PABPC4: variants seen among roughly 807,000 people sequenced by gnomAD.
PABPC4 encodes polyadenylate-binding protein 4.
A neutral mutation model predicts 74.5 loss-of-function variants in PABPC4; 15 were observed. The observed-to-expected ratio is 0.20, with a 90% CI of 0.13 to 0.31. The LOEUF (loss-of-function observed/expected upper bound fraction) is 0.31, where lower values mean the gene tolerates loss of function less well. Among genes scored for constraint, PABPC4 ranks in the 10% least tolerant of loss-of-function variants. PABPC4 has a pLI of 1.00. For synonymous variants in PABPC4, 345 were observed against 303.0 expected, an observed-to-expected ratio of 1.14 and a Z score of -1.44; for missense variants, 610 against 853.5, an observed-to-expected ratio of 0.71 and a Z score of 3.55.
rs775430671 is a variant in PABPC4 at position 39,575,883 on chromosome 1, G to C, written c.69C>G (p.Thr23=). 9.9e-6 allele frequency: 16 copies of C among 1,611,988 alleles called. No individual in the cohort carries two copies. In the African/African-American group the frequency reaches 1.9e-4, roughly 19 times the overall value. Reference sequence around the variant, plus strand: ...TGAACTTTTCGTACAGCATGGCCTCGGTGACGTCCGAATGCAGGTCGCCCA... The same window carrying C: ...TGAACTTTTCGTACAGCATGGCCTCCGTGACGTCCGAATGCAGGTCGCCCA... The part of the protein sequence containing the change: ...LYVGDLHSDV[T]EAMLYEKFSP... The change falls in exon 1 of 16, where the codon ACC becomes ACG. Residue 23 remains threonine (T), a synonymous_variant. Coordinates refer to ENST00000372858, the MANE Select transcript of PABPC4 (RefSeq NM_001135653.2).
At chr1:39,561,536 C>T in intron 15 of PABPC4, 149 bp downstream of exon 15, 1 of 624,988 alleles carries the variant, frequency 1.6e-6, no homozygotes, top group South Asian at 2.0e-5. Context: ...GATAAGAAGT[C>T]ACCTGCAACA....
chr1:39,567,450 T>C, intron 7 of PABPC4: 1 of 550,170 alleles, frequency 1.8e-6, no homozygotes, highest in South Asian at 1.4e-5. Flanking sequence ...GCTCATTCTG[T>C]AGCACCATCT....
intron 1 of PABPC4, among the ~76,000 whole-genome samples, chr1:39,574,102 C>T (rs1343361098): frequency 6.6e-6 from 1 of 152,160 alleles, no homozygotes; most frequent in Non-Finnish European, 1.5e-5. Flanking sequence ...TCAACTGTTT[C>T]ATTAGCCGGG....
At chr1:39,561,852 G>GAC in intron 14 of PABPC4, 65 bp from the exon 15 acceptor site, 1 of 1,436,654 alleles carries the variant, frequency 7.0e-7, no homozygotes, top group South Asian at 1.2e-5. Flanking sequence ...CCAGTGCCCA[G>GAC]ACCTAGTGGT....
Position 39,569,596 on chromosome 1 carries a change from T to G in PABPC4, c.737A>C (p.Lys246Thr), listed in dbSNP as rs746080078. The G allele has an allele frequency of 1.3e-5, 21 of 1,612,490 alleles. No individual in the cohort carries two copies. The highest frequency in any genetic ancestry group is 1.7e-5 in the Non-Finnish European group (20 of 1,178,572). ...VSYEKHEDAN[K>T]AVEEMNGKEI... is the part of the protein sequence containing the mutation. ...TCCCAATCTTTGTGGTATACTCACC[T>G]TATTGGCATCCTCGTGTTTTTCGTA... The change falls in exon 5 of 16, where the codon AAG becomes ACG. Residue 246 changes from lysine (K) to threonine (T), a missense_variant and splice_region_variant. Physicochemically the swap from Lys to Thr is moderately conservative, Grantham distance 78. This residue lies in a region of PABPC4 where 304 missense variants were observed against 478.9 expected (regional missense o/e 0.63). Transcript: ENST00000372858.
chr1:39,574,927 T>G (rs1042553291), intron 1 of PABPC4, among the ~76,000 whole-genome samples: 2 of 152,250 alleles, frequency 1.3e-5, no homozygotes, highest in African/African-American at 4.8e-5. Flanking sequence ...AGCACTGTGC[T>G]GGGAGTCCTA....
Position 39,571,365 on chromosome 1 carries a change from C to G in PABPC4, c.388-16G>C, listed in dbSNP as rs761748846. 3 of 1,613,908 alleles carry G rather than the reference C, an allele frequency of 1.9e-6. No individual in the cohort carries two copies. Among genetic ancestry groups the G allele is most frequent in the Non-Finnish European group, 1.7e-6 (2 of 1,179,870 alleles). On this transcript the variant is annotated splice_polypyrimidine_tract_variant and intron_variant, in intron 2 of 15. Coordinates refer to ENST00000372858, the MANE Select transcript of PABPC4 (RefSeq NM_001135653.2). ...CACACACCACCTGTCAAAGACAAGG[C>G]GGACCACTTTAGCAGAACTGGCCAG...
At chr1:39,564,590 A>T in intron 9 of PABPC4, 48 bp from the exon 10 acceptor site, 1 of 1,612,748 alleles carries the variant, frequency 6.2e-7, no homozygotes, top group South Asian at 1.1e-5. Flanking sequence ...TGTGGACCAG[A>T]ACCTAGGCTG....
chr1:39,572,518 G>C lies in PABPC4; in HGVS notation c.262C>G (p.Gln88Glu). 1.2e-6 allele frequency: 2 copies of C among 1,614,004 alleles called. No individual in the cohort carries two copies. Among genetic ancestry groups the C allele is most frequent in the Non-Finnish European group, 1.7e-6 (2 of 1,179,892 alleles). ...KGKPIRIMWS[Q>E]RDPSLRKSGV... ...GATTTTCTCAAAGAGGGATCCCTCT[G>C]AGACCACATGATGCGGATTGGCTTT... is the stretch of plus-strand genomic sequence containing the variant. The change falls in exon 2 of 16, where the codon CAG (glutamine) becomes GAG (glutamate). Residue 88 changes from glutamine to glutamate, a missense_variant. By Grantham distance (29) the Gln-to-Glu change is conservative. Around this residue, in one of 4 missense-constraint regions of PABPC4, gnomAD observed 304 missense variants for 478.9 expected, o/e 0.63. Coordinates refer to ENST00000372858, the MANE Select transcript of PABPC4 (RefSeq NM_001135653.2).
At chr1:39,566,009 T>G (rs1392001704) in intron 7 of PABPC4, among the ~76,000 whole-genome samples, 1 of 152,200 alleles carries the variant, frequency 6.6e-6, no homozygotes, top group Non-Finnish European at 1.5e-5. Flanking sequence ...AGGTCAGGGT[T>G]CTGGCACAGG....
At position 39,561,048 on chromosome 1, in the gene PABPC4, GAGGTCCAT is replaced by G. The variant is rs1432296200; in HGVS notation, c.*80_*87del. On this transcript the variant is annotated 3_prime_UTR_variant, in exon 16 of 16. Coordinates refer to ENST00000372858, the MANE Select transcript of PABPC4 (RefSeq NM_001135653.2). ...TTTGCAATTTGTAATCCTTGGTGTT[GAGGTCCAT>G]AGGACAAGCTAGGAAGTCTTCAAAC... The G allele has an allele frequency of 2.2e-6, 1 of 448,460 alleles. No homozygotes were observed. Among genetic ancestry groups the G allele is most frequent in the African/African-American group, 2.0e-5 (1 of 49,034 alleles). 27.8% of individuals were successfully genotyped at this position (448,460 alleles called of 1,614,324 possible). A position where few individuals can be genotyped will look rare whatever the true frequency, so the allele number is the denominator to read the frequency against.
Position 39,567,802 on chromosome 1 carries a change from A to G in PABPC4, c.921T>C (p.Asp307=), listed in dbSNP as rs1645871799. The G allele has an allele frequency of 1.9e-6, 3 of 1,601,854 alleles. No homozygotes were observed. The highest frequency in any genetic ancestry group is 2.6e-6 in the Non-Finnish European group (3 of 1,168,806). ...GAGAAAATTCTTTCCTTAATTTCTC[A>G]TCATCAATAGTGTCATCCAAGTTCT... ...YIKNLDDTID[D]EKLRKEFSPF... The change falls in exon 7 of 16, where the codon GAT becomes GAC. Residue 307 remains aspartate (D), a synonymous_variant. Transcript: ENST00000372858.
At chr1:39,562,264 G>A (rs1570369227) in intron 13 of PABPC4, 59 bp downstream of exon 13, 1 of 1,609,328 alleles carries the variant, frequency 6.2e-7, no homozygotes, top group Non-Finnish European at 8.5e-7. Flanking sequence ...GGACACTGGT[G>A]TCCTAGCTGG....
chr1:39,573,064 T>G (rs1326913766), intron 1 of PABPC4: 1 of 153,230 alleles, frequency 6.5e-6, no homozygotes, highest in Non-Finnish European at 1.5e-5. Flanking sequence ...TACTAGATTA[T>G]CTGATTTATT....
At position 39,571,521 on chromosome 1, in the gene PABPC4, T is replaced by A. The variant is rs1005388673; in HGVS notation, c.388-172A>T. 9.2e-6 allele frequency: 6 copies of A among 654,666 alleles called. No homozygotes were observed. In the Admixed American group the frequency reaches 1.6e-4, roughly 17 times the overall value. The allele number at this position is 654,666 out of a possible 1,614,324, so 40.6% of individuals were successfully genotyped here. On this transcript the variant is annotated intron_variant, in intron 2 of 15. Transcript: ENST00000372858. ...CACAGCACCAGGTGCCTAGTAAGTG[T>A]TCCATTTACAAAGGTAGCCCTACTA...
At position 39,569,844 on chromosome 1, in the gene PABPC4, A is replaced by T; in HGVS notation, c.643+19T>A. On this transcript the variant is annotated intron_variant, in intron 4 of 15. Coordinates refer to ENST00000372858, the MANE Select transcript of PABPC4 (RefSeq NM_001135653.2). Reference sequence around the variant, plus strand: ...TGGGTCTGGTAGACTGTGAAAGGAGACAAGGAACCCCAACTTACCAAACTG... The same window carrying T: ...TGGGTCTGGTAGACTGTGAAAGGAGTCAAGGAACCCCAACTTACCAAACTG... The T allele has an allele frequency of 9.9e-6, 16 of 1,613,196 alleles. No homozygotes were observed. Among genetic ancestry groups the T allele is most frequent in the Non-Finnish European group, 1.4e-5 (16 of 1,179,510 alleles).
chr1:39,564,324 G>A (rs1215574176), intron 10 of PABPC4, 99 bp downstream of exon 10: 10 of 1,405,148 alleles, frequency 7.1e-6, no homozygotes, highest in Admixed American at 2.1e-5. Context: ...ACCAGGACTC[G>A]ATAAATTCGA....
chr1:39,562,038 A>G, intron 14 of PABPC4, 35 bp downstream of exon 14: 3 of 1,603,616 alleles, frequency 1.9e-6, no homozygotes, highest in South Asian at 2.2e-5. Context: ...TCCCAAGCTG[A>G]GAACTGAAGC....
At chr1:39,574,448 A>G (rs979367373) in intron 1 of PABPC4, among the ~76,000 whole-genome samples, 9 of 152,250 alleles carry the variant, frequency 5.9e-5, no homozygotes, top group African/African-American at 9.6e-5. Context: ...ATGTGTTGGC[A>G]GACACACTGA....
Sources: gnomAD v4.1 joint callset for allele counts (sites outside exome capture counted in the v4.1 genomes callset) on GRCh38, gnomAD v4.1.1 for gene constraint, gnomAD v4.1.1 regional missense constraint, MANE v1.5 for transcripts, NCBI Gene and HGNC (gene_info 2026-07-23, HGNC 2026-07-21) for gene names.